The following PRELID2 variants were observed in gnomAD, a reference collection of about 807,000 sequenced individuals.
PRELID2 encodes PRELI domain-containing protein 2.
A neutral mutation model predicts 28.4 loss-of-function variants in PRELID2; 25 were observed. The observed-to-expected ratio is 0.88, with a 90% confidence interval of 0.64 to 1.23. The LOEUF (loss-of-function observed/expected upper bound fraction) is 1.23. Among genes scored for constraint, PRELID2 ranks in the 50% most tolerant of loss-of-function variants. The pLI is 0.00. For synonymous variants in PRELID2, 76 were observed against 71.6 expected (o/e 1.06, Z -0.31); for missense variants, 201 against 214.4 (o/e 0.94, Z 0.39).
chr5:145,393,887 G>C, the PRELID2 span, among the ~76,000 whole-genome samples: 13 of 152,132 alleles, frequency 8.5e-5, no homozygotes, highest in African/African-American at 2.7e-4. Flanking sequence ...TGGTAAACCA[G>C]GCTAAAACAT....
the PRELID2 span, among the ~76,000 whole-genome samples, chr5:145,243,672 T>C: frequency 6.6e-6 from 1 of 152,014 alleles, no homozygotes; most frequent in Non-Finnish European, 1.5e-5. Context: ...AATCATATAG[T>C]ATATATAGCC....
the PRELID2 span, among the ~76,000 whole-genome samples, chr5:145,438,651 C>T: frequency 6.6e-6 from 1 of 152,106 alleles, no homozygotes; most frequent in Non-Finnish European, 1.5e-5. Context: ...ATAAATAGCA[C>T]AAACTTTTCT....
At chr5:145,440,698 C>CTATT in the PRELID2 span, 2 of 152,178 alleles carry the variant, frequency 1.3e-5, no homozygotes, top group African/African-American at 4.8e-5. Flanking sequence ...AACCAACACT[C>CTATT]TATTCTTAGA....
chr5:145,382,223 T>C, the PRELID2 span, among the ~76,000 whole-genome samples: 11 of 151,972 alleles, frequency 7.2e-5, no homozygotes, highest in African/African-American at 2.4e-4. Context: ...AAAGAACAGA[T>C]AGTAAAAGAC....
intron 1 of PRELID2, among the ~76,000 whole-genome samples, chr5:145,640,241 A>C (rs62392276): frequency 0.22 from 33,063 of 151,808 alleles, 6,782 homozygotes; most frequent in African/African-American, 0.54. Flanking sequence ...AATCCCAGCA[A>C]TTTGGGAGGC....
At chr5:145,633,140 G>T (rs1753953751) in intron 1 of PRELID2, among the ~76,000 whole-genome samples, 2 of 152,216 alleles carry the variant, frequency 1.3e-5, no homozygotes, top group Non-Finnish European at 2.9e-5. Context: ...TGAGGACACA[G>T]CTGACTAAGA....
rs918551846 is a variant in PRELID2 at position 145,757,320 on chromosome 5, C to T, written c.*3216G>A. ...ATATAGGGATAGTTCAAGTCAGCTT[C>T]TCTCTGCATAAGAACTTTATACTGT... On this transcript the variant is annotated 3_prime_UTR_variant, in exon 7 of 7. Transcript: ENST00000683046. Among the ~76,000 whole-genome samples the T allele has an allele frequency of 2.0e-5, 3 of 152,234 alleles. No homozygotes were observed. The highest frequency in any genetic ancestry group is 2.0e-4 in the Admixed American group (3 of 15,270).
At chr5:145,464,945 T>A in the PRELID2 span, among the ~76,000 whole-genome samples, 1 of 152,020 alleles carries the variant, frequency 6.6e-6, no homozygotes, top group African/African-American at 2.4e-5. Context: ...TAAAGTAAAG[T>A]CCCTCAAAAA....
At chr5:145,568,412 C>T (rs2149615782) in intron 1 of PRELID2, among the ~76,000 whole-genome samples, 1 of 152,332 alleles carries the variant, frequency 6.6e-6, no homozygotes, top group East Asian at 1.9e-4. Flanking sequence ...CACGACTATT[C>T]TCAATCACTG....
chr5:145,297,418 CA>C, the PRELID2 span, among the ~76,000 whole-genome samples: 21 of 151,844 alleles, frequency 1.4e-4, no homozygotes, highest in Non-Finnish European at 2.5e-4. Context: ...AATTCAACAA[CA>C]CTTCATGCTA....
chr5:145,466,503 GTCTA>G, the PRELID2 span, among the ~76,000 whole-genome samples: 9 of 151,950 alleles, frequency 5.9e-5, no homozygotes, highest in Non-Finnish European at 8.8e-5. Flanking sequence ...GTTTTTGTAT[GTCTA>G]TCTATTTACC....
chr5:145,513,496 C>A (rs1752484438), intron 1 of PRELID2, among the ~76,000 whole-genome samples: 1 of 151,926 alleles, frequency 6.6e-6, no homozygotes, highest in Non-Finnish European at 1.5e-5. Flanking sequence ...TGTGAAAAGA[C>A]CGAATCTACG....
chr5:145,520,018 A>C (rs920054741), intron 1 of PRELID2, among the ~76,000 whole-genome samples: 1 of 152,192 alleles, frequency 6.6e-6, no homozygotes, highest in Non-Finnish European at 1.5e-5. Flanking sequence ...ATGGTGAGCA[A>C]GTAGTCAGGA....
At chr5:145,615,328 T>A (rs1018534139) in intron 1 of PRELID2, among the ~76,000 whole-genome samples, 1 of 1,204 alleles carries the variant, frequency 8.3e-4, no homozygotes, top group Non-Finnish European at 6.5e-3. Flanking sequence ...CTTTTTTTTG[T>A]TTTTTTTTTT....
Position 145,817,219 on chromosome 5 carries a change from A to AT in PRELID2, c.368+674_368+675insA, listed in dbSNP as rs1561643912. ...AAAAAATAAATAAATAAATAAAAAA[A>AT]AATATATATATATATATACTTTAGA... is the stretch of plus-strand genomic sequence containing the variant. On this transcript the variant is annotated intron_variant, in intron 4 of 6. Transcript: ENST00000683046. 5.2e-3 allele frequency among the ~76,000 whole-genome samples: 535 copies of AT among 103,188 alleles called. 32 individuals are homozygous for AT. The highest frequency in any genetic ancestry group is 0.014 in the African/African-American group (443 of 31,542). The allele number at this position is 103,188 out of a possible 152,430, so 67.7% of individuals were successfully genotyped here.
chr5:145,714,109 C>T (rs1755779555), intron 1 of PRELID2, among the ~76,000 whole-genome samples: 1 of 151,776 alleles, frequency 6.6e-6, no homozygotes, highest in Admixed American at 6.6e-5. Flanking sequence ...TTATTTTTAC[C>T]CTCTCGTCCC....
chr5:145,309,295 G>A, the PRELID2 span, among the ~76,000 whole-genome samples: 2 of 152,142 alleles, frequency 1.3e-5, no homozygotes, highest in East Asian at 3.9e-4. Context: ...AAGGAGAATT[G>A]TTAAGACGAG....
chr5:145,229,938 A>G, the PRELID2 span: 2 of 749,408 alleles, frequency 2.7e-6, no homozygotes, highest in Non-Finnish European at 5.0e-6. Context: ...TGAGGAGCTG[A>G]TGAGCGTGAA....
intron 1 of PRELID2, among the ~76,000 whole-genome samples, chr5:145,486,465 T>C (rs1353584608): frequency 6.6e-6 from 1 of 152,202 alleles, no homozygotes; most frequent in Non-Finnish European, 1.5e-5. Flanking sequence ...ATTCATGCAA[T>C]GAGTCCAGTG....
Sources: gnomAD v4.1 joint callset for allele counts (sites outside exome capture counted in the v4.1 genomes callset) on GRCh38, gnomAD v4.1.1 for gene constraint, MANE v1.5 for transcripts, NCBI Gene and HGNC (gene_info 2026-07-23, HGNC 2026-07-21) for gene names.